Variants in MYCN observed in about 807,000 individuals in gnomAD.
The protein encoded by MYCN is MYCN proto-oncogene, bHLH transcription factor, also known as N-myc proto-oncogene protein.
Under a neutral mutation model 28.1 loss-of-function variants are expected in MYCN, and 3 were observed. The ratio of observed to expected loss-of-function variants is 0.11; its 90% CI spans 0.05 to 0.28. The LOEUF is 0.28. Among genes scored for constraint, MYCN ranks in the 10% least tolerant of loss-of-function variants. The pLI is 1.00. For synonymous variants in MYCN, 326 were observed against 288.3 expected (o/e 1.13, Z -1.32); for missense variants, 572 against 651.4 (o/e 0.88, Z 1.33).
chr2:15,945,653 G>A lies in MYCN; in HGVS notation c.951G>A (p.Glu317=). The A allele has an allele frequency of 6.2e-7, 1 of 1,614,178 alleles. No individual in the cohort carries two copies. The highest frequency in any genetic ancestry group is 2.2e-5 in the East Asian group (1 of 44,878). ...GTCCCGGGAGGGCTCAGTCCAGCGA[G>A]CTGATCCTCAAACGATGCCTTCCCA... ...ALGPGRAQSS[E]LILKRCLPIH... Residue 317 remains glutamate, a synonymous_variant, in exon 3 of 3, where the codon GAG becomes GAA. Coordinates refer to ENST00000281043, the MANE Select transcript of MYCN (RefSeq NM_005378.6). The surrounding 1 kb of genome is among the most constrained non-coding windows in gnomAD (Gnocchi z 4.8).
intron 2 of MYCN, among the ~76,000 whole-genome samples, chr2:15,944,673 T>C (rs1315368715): frequency 1.3e-5 from 2 of 152,200 alleles, no homozygotes; most frequent in African/African-American, 4.8e-5. Flanking sequence ...AGACTGGTGA[T>C]TATGATAAAA....
At position 15,942,929 on chromosome 2, in the gene MYCN, G is replaced by GT. The variant is rs1365677601; in HGVS notation, c.790+76dup. 2.3e-5 allele frequency: 35 copies of GT among 1,497,254 alleles called. No homozygotes were observed. Among genetic ancestry groups the GT allele is most frequent in the Non-Finnish European group, 3.1e-5 (35 of 1,119,798 alleles). 92.7% of individuals were successfully genotyped at this position (1,497,254 alleles called of 1,614,324 possible). ...GGTCGCGTCCCCTTTGTTAGTGCTCGTATGTCTTGGCCTGGGGAGCATTTT... is the reference window on the plus strand; with the variant it reads ...GGTCGCGTCCCCTTTGTTAGTGCTCGTTATGTCTTGGCCTGGGGAGCATTTT... On this transcript the variant is annotated intron_variant, in intron 2 of 2. Transcript: ENST00000281043. The surrounding 1 kb of genome is among the most constrained non-coding windows in gnomAD (Gnocchi z 7.0).
Position 15,945,841 on chromosome 2 carries a change from G to A in MYCN, c.1139G>A (p.Ser380Asn), listed in dbSNP as rs891804141. 3.7e-6 allele frequency: 6 copies of A among 1,613,972 alleles called. No individual in the cohort carries two copies. In the African/African-American group the frequency reaches 8.0e-5, roughly 22 times the overall value. The part of the protein sequence containing the change: ...LSPRNSDSED[S>N]ERRRNHNILE... ...CCCCGAAACTCTGACTCGGAGGACA[G>A]TGAGCGTCGCAGAAACCACAACATC... Residue 380 changes from serine to asparagine, a missense_variant, in exon 3 of 3, where the codon AGT becomes AAT. By Grantham distance (46) the Ser-to-Asn change is conservative. This residue lies in a region of MYCN where 12 missense variants were observed against 45.5 expected (regional missense o/e 0.26). Transcript: ENST00000281043. The surrounding 1 kb of genome is among the most constrained non-coding windows in gnomAD (Gnocchi z 4.8).
At position 15,942,548 on chromosome 2, in the gene MYCN, C is replaced by T; in HGVS notation, c.484C>T (p.His162Tyr). Reference protein sequence around the residue: ...AGAASPAGRGHGGAAGAGRAG... With the variant: ...AGAASPAGRGYGGAAGAGRAG... Reference sequence around the variant, plus strand: ...CGCCGCCAGCCCTGCGGGTCGCGGGCACGGCGGGGCTGCGGGAGCCGGCCG... The same window carrying T: ...CGCCGCCAGCCCTGCGGGTCGCGGGTACGGCGGGGCTGCGGGAGCCGGCCG... Residue 162 changes from histidine (H) to tyrosine (Y), a missense_variant, in exon 2 of 3, where the codon CAC becomes TAC. His to Tyr is a moderately conservative substitution (Grantham distance 83). This residue lies in a region of MYCN where 499 missense variants were observed against 524.3 expected (regional missense o/e 0.95). Transcript: ENST00000281043. The surrounding 1 kb of genome is among the most constrained non-coding windows in gnomAD (Gnocchi z 7.0). 1.6e-6 allele frequency: 2 copies of T among 1,212,128 alleles called. No homozygotes were observed. The highest frequency in any genetic ancestry group is 2.0e-6 in the Non-Finnish European group (2 of 976,958). The allele number at this position is 1,212,128 out of a possible 1,614,324, so 75.1% of individuals were successfully genotyped here. A position where few individuals can be genotyped will look rare whatever the true frequency, so the allele number is the denominator to read the frequency against.
intron 2 of MYCN, among the ~76,000 whole-genome samples, chr2:15,944,612 G>A (rs1362048637): frequency 2.6e-5 from 4 of 152,176 alleles, no homozygotes; most frequent in East Asian, 1.9e-4. Context: ...TAAAATGAGA[G>A]GCCTCAACTC....
Position 15,945,678 on chromosome 2 carries a change from A to G in MYCN, c.976A>G (p.Ile326Val). The G allele has an allele frequency of 1.2e-6, 2 of 1,614,176 alleles. No homozygotes were observed. Among genetic ancestry groups the G allele is most frequent in the Non-Finnish European group, 1.7e-6 (2 of 1,180,028 alleles). ...GCTGATCCTCAAACGATGCCTTCCCATCCACCAGCAGCACAACTATGCCGC... is the reference window on the plus strand; with the variant it reads ...GCTGATCCTCAAACGATGCCTTCCCGTCCACCAGCAGCACAACTATGCCGC... ...SELILKRCLP[I>V]HQQHNYAAPS... The change falls in exon 3 of 3, where the codon ATC (isoleucine) becomes GTC (valine). Residue 326 changes from isoleucine (I) to valine (V), a missense_variant. Ile to Val is a conservative substitution (Grantham distance 29). Around this residue, in one of 3 missense-constraint regions of MYCN, gnomAD observed 499 missense variants for 524.3 expected, o/e 0.95. Coordinates refer to ENST00000281043, the MANE Select transcript of MYCN (RefSeq NM_005378.6). The surrounding 1 kb of genome is among the most constrained non-coding windows in gnomAD (Gnocchi z 4.8).
rs922 is a variant in MYCN at position 15,946,347 on chromosome 2, C to T, written c.*250C>T. ...CCATGACAGCGCTAAACGTTGGTGA[C>T]GGTTGGGAGCCTCTGGGGCTGTTGA... On this transcript the variant is annotated 3_prime_UTR_variant, in exon 3 of 3. Transcript: ENST00000281043. The T allele has an allele frequency of 0.23, 124,780 of 552,560 alleles. 16,141 individuals are homozygous for T. Among genetic ancestry groups the T allele is most frequent in the East Asian group, 0.42 (13,328 of 31,880 alleles). The allele number at this position is 552,560 out of a possible 1,614,324, so 34.2% of individuals were successfully genotyped here. A position where few individuals can be genotyped will look rare whatever the true frequency, so the allele number is the denominator to read the frequency against.
intron 2 of MYCN, among the ~76,000 whole-genome samples, chr2:15,943,403 C>CTTT (rs111360717): frequency 3.3e-4 from 45 of 138,384 alleles, no homozygotes; most frequent in African/African-American, 6.2e-4. Flanking sequence ...TTTTCTTTTT[C>CTTT]TTTTTTTTTT....
chr2:15,944,225 C>G (rs780658737), intron 2 of MYCN, among the ~76,000 whole-genome samples: 1 of 152,132 alleles, frequency 6.6e-6, no homozygotes, highest in African/African-American at 2.4e-5. Context: ...TTCAGCTTTC[C>G]GGTCCCCTTC....
At position 15,941,984 on chromosome 2, in the gene MYCN, C is replaced by A; in HGVS notation, c.-81C>A. 1 of 1,567,200 alleles carries A rather than the reference C, an allele frequency of 6.4e-7. No individual in the cohort carries two copies. The highest frequency in any genetic ancestry group is 8.7e-7 in the Non-Finnish European group (1 of 1,151,124). ...GGCGCCGGCCCCCGCCTTCCGCGCC[C>A]CCCACGGGAAGGAAGCACCCCCGGT... On this transcript the variant is annotated 5_prime_UTR_variant, in exon 2 of 3. Coordinates refer to ENST00000281043, the MANE Select transcript of MYCN (RefSeq NM_005378.6). This position sits in a 1 kb window ranked among gnomAD's most constrained non-coding sequence, Gnocchi z 4.8.
intron 2 of MYCN, among the ~76,000 whole-genome samples, chr2:15,943,440 TC>T (rs1272861575): frequency 6.7e-6 from 1 of 149,786 alleles, no homozygotes; most frequent in Non-Finnish European, 1.5e-5. Context: ...ACCTTTCCCT[TC>T]CCCCATCCTC....
Position 15,942,096 on chromosome 2 carries a change from G to C in MYCN, c.32G>C (p.Gly11Ala), listed in dbSNP as rs772399455. 2 of 1,613,850 alleles carry C rather than the reference G, an allele frequency of 1.2e-6. No individual in the cohort carries two copies. Among genetic ancestry groups the C allele is most frequent in the Non-Finnish European group, 1.7e-6 (2 of 1,180,000 alleles). Reference sequence around the variant, plus strand: ...AGCTGCTCCACGTCCACCATGCCGGGCATGATCTGCAAGAACCCAGACCTC... The same window carrying C: ...AGCTGCTCCACGTCCACCATGCCGGCCATGATCTGCAAGAACCCAGACCTC... MPSCSTSTMP[G>A]MICKNPDLEF... Residue 11 changes from glycine to alanine, a missense_variant, in exon 2 of 3, where the codon GGC becomes GCC. By Grantham distance (60) the Gly-to-Ala change is moderately conservative. Around this residue, in one of 3 missense-constraint regions of MYCN, gnomAD observed 499 missense variants for 524.3 expected, o/e 0.95. Transcript: ENST00000281043. The surrounding 1 kb of genome is among the most constrained non-coding windows in gnomAD (Gnocchi z 7.0).
At position 15,941,917 on chromosome 2, in the gene MYCN, C is replaced by T. The variant is rs1348784832; in HGVS notation, c.-117-31C>T. On this transcript the variant is annotated intron_variant, in intron 1 of 2. Coordinates refer to ENST00000281043, the MANE Select transcript of MYCN (RefSeq NM_005378.6). The surrounding 1 kb of genome is among the most constrained non-coding windows in gnomAD (Gnocchi z 4.8). ...TATCCCCTCGGTCTGCCCCGTTTGC[C>T]CACCCTCTCCGGTGTGTCTGTCGGT... 6 of 1,004,200 alleles carry T rather than the reference C, an allele frequency of 6.0e-6. No homozygotes were observed. The highest frequency in any genetic ancestry group is 2.7e-4 in the Middle Eastern group (1 of 3,726). 62.2% of individuals were successfully genotyped at this position (1,004,200 alleles called of 1,614,324 possible).
At position 15,940,755 on chromosome 2, in the gene MYCN, G is replaced by A; in HGVS notation, c.-118+12G>A. On this transcript the variant is annotated intron_variant, in intron 1 of 2. Coordinates refer to ENST00000281043, the MANE Select transcript of MYCN (RefSeq NM_005378.6). ...GCAGTCGGCGGGAGGTAAGGAGCAG[G>A]GCTTGCAAACCGCCCGGCGCCCAGG... 1 of 398,746 alleles carries A rather than the reference G, an allele frequency of 2.5e-6. No homozygotes were observed. The highest frequency in any genetic ancestry group is 4.4e-6 in the Non-Finnish European group (1 of 226,034). The allele number at this position is 398,746 out of a possible 1,614,324, so 24.7% of individuals were successfully genotyped here. A position where few individuals can be genotyped will look rare whatever the true frequency, so the allele number is the denominator to read the frequency against.
Position 15,942,544 on chromosome 2 carries a change from C to A in MYCN, c.480C>A (p.Arg160=). The part of the protein sequence containing the change: ...PGAGAASPAG[R]GHGGAAGAGR... ...CCGGCGCCGCCAGCCCTGCGGGTCGCGGGCACGGCGGGGCTGCGGGAGCCG... is the reference window on the plus strand; with the variant it reads ...CCGGCGCCGCCAGCCCTGCGGGTCGAGGGCACGGCGGGGCTGCGGGAGCCG... Residue 160 remains arginine (R), a synonymous_variant, in exon 2 of 3, where the codon CGC becomes CGA. Coordinates refer to ENST00000281043, the MANE Select transcript of MYCN (RefSeq NM_005378.6). This position sits in a 1 kb window ranked among gnomAD's most constrained non-coding sequence, Gnocchi z 7.0. The A allele has an allele frequency of 3.2e-6, 4 of 1,263,726 alleles. No homozygotes were observed. Among genetic ancestry groups the A allele is most frequent in the Non-Finnish European group, 4.0e-6 (4 of 1,007,552 alleles). 78.3% of individuals were successfully genotyped at this position (1,263,726 alleles called of 1,614,324 possible). A position where few individuals can be genotyped will look rare whatever the true frequency, so the allele number is the denominator to read the frequency against.
intron 2 of MYCN, among the ~76,000 whole-genome samples, chr2:15,944,634 A>C (rs1259617361): frequency 6.6e-6 from 1 of 152,232 alleles, no homozygotes; most frequent in Non-Finnish European, 1.5e-5. Flanking sequence ...TTAAGTGTGG[A>C]GCTAGAAATG....
rs1390389781 is a variant in MYCN at position 15,945,953 on chromosome 2, C to T, written c.1251C>T (p.Ala417=). The change falls in exon 3 of 3, where the codon GCC becomes GCT. Residue 417 remains alanine (A), a synonymous_variant. Coordinates refer to ENST00000281043, the MANE Select transcript of MYCN (RefSeq NM_005378.6). The surrounding 1 kb of genome is among the most constrained non-coding windows in gnomAD (Gnocchi z 4.8). ...CGGAGTTGGTAAAGAATGAGAAGGCCGCCAAGGTGGTCATTTTGAAAAAGG... is the reference window on the plus strand; with the variant it reads ...CGGAGTTGGTAAAGAATGAGAAGGCTGCCAAGGTGGTCATTTTGAAAAAGG... The part of the protein sequence containing the change: ...HVPELVKNEK[A]AKVVILKKAT... The T allele has an allele frequency of 5.0e-6, 8 of 1,614,090 alleles. No homozygotes were observed. Among genetic ancestry groups the T allele is most frequent in the East Asian group, 2.2e-5 (1 of 44,856 alleles).
chr2:15,941,668 C>G lies in MYCN; in HGVS notation c.-117-280C>G. 1 of 348,502 alleles carries G rather than the reference C, an allele frequency of 2.9e-6. No homozygotes were observed. Among genetic ancestry groups the G allele is most frequent in the Non-Finnish European group, 5.4e-6 (1 of 185,222 alleles). 21.6% of individuals were successfully genotyped at this position (348,502 alleles called of 1,614,324 possible). On this transcript the variant is annotated intron_variant, in intron 1 of 2. Coordinates refer to ENST00000281043, the MANE Select transcript of MYCN (RefSeq NM_005378.6). This position sits in a 1 kb window ranked among gnomAD's most constrained non-coding sequence, Gnocchi z 4.8. ...GAACAGCCCCCTCCCCCAGGCAGTG[C>G]CTTGTGTGAATGAAATGGCAGTTTC...
chr2:15,942,380 A>G lies in MYCN; in HGVS notation c.316A>G (p.Thr106Ala). 6.2e-7 allele frequency: 1 copy of G among 1,606,220 alleles called. No individual in the cohort carries two copies. The highest frequency in any genetic ancestry group is 8.5e-7 in the Non-Finnish European group (1 of 1,178,030). ...CGGCCTGGGGGGACTGGGTGGCCTC[A>G]CCCCCAACCCGGTCATCCTCCAGGA... ...AFGLGGLGGLTPNPVILQDCM... is the reference protein window; with the variant it reads ...AFGLGGLGGLAPNPVILQDCM... Residue 106 changes from threonine to alanine, a missense_variant, in exon 2 of 3, where the codon ACC (threonine) becomes GCC (alanine). This residue lies in a region of MYCN where 499 missense variants were observed against 524.3 expected (regional missense o/e 0.95). Coordinates refer to ENST00000281043, the MANE Select transcript of MYCN (RefSeq NM_005378.6). This position sits in a 1 kb window ranked among gnomAD's most constrained non-coding sequence, Gnocchi z 7.0.
Sources: gnomAD v4.1 joint callset for allele counts (sites outside exome capture counted in the v4.1 genomes callset) on GRCh38, gnomAD v4.1.1 for gene constraint, gnomAD v4.1.1 regional missense constraint, Gnocchi (gnomAD v3.1) non-coding constraint, MANE v1.5 for transcripts, NCBI Gene and HGNC (gene_info 2026-07-23, HGNC 2026-07-21) for gene names.